The following PRKAG2 variants were observed in gnomAD, a reference collection of about 807,000 sequenced individuals.
The protein encoded by PRKAG2 is protein kinase AMP-activated non-catalytic subunit gamma 2, also known as 5'-AMP-activated protein kinase subunit gamma-2.
PRKAG2 carries 26 observed loss-of-function variants against 69.6 expected under a neutral mutation model. That is an observed-to-expected ratio of 0.37 (90% CI 0.27 to 0.52). The LOEUF is 0.52. Among genes scored for constraint, PRKAG2 ranks in the 20% least tolerant of loss-of-function variants. The pLI is 0.90. For missense variants in PRKAG2, 557 were observed against 740.0 expected, an observed-to-expected ratio of 0.75 and a Z score of 2.87; for synonymous variants, 293 against 285.0, an observed-to-expected ratio of 1.03 and a Z score of -0.28.
rs564181360 is a variant in PRKAG2, at chr7:151,797,092, A to G, written c.115-10551T>C. Among the ~76,000 whole-genome samples, 27 of 152,098 alleles carry G rather than the reference A, an allele frequency of 1.8e-4. No homozygotes were observed. The East Asian group carries it at 5.1e-3, about 28-fold the overall frequency. ...CCAGCTGCAGACACACCCTCCAGTC[A>G]TCGGCCACCCAGACTTCAGAGAGGA... On this transcript the variant is annotated intron_variant, in intron 1 of 15. Transcript: ENST00000287878.
chr7:151,831,739 C>A (rs1049658403), intron 1 of PRKAG2, among the ~76,000 whole-genome samples: 3 of 152,022 alleles, frequency 2.0e-5, no homozygotes, highest in African/African-American at 7.3e-5. Context: ...GGCCTCGCCC[C>A]CTGGAGGGAG....
At chr7:151,646,562 A>T (rs906084036) in intron 4 of PRKAG2, among the ~76,000 whole-genome samples, 2 of 152,154 alleles carry the variant, frequency 1.3e-5, no homozygotes, top group African/African-American at 4.8e-5. Context: ...TGTAAGTTCT[A>T]GTGGTAATTT....
chr7:151,842,379 GGTGGGGATGGTAGTGATGGTA>G, intron 1 of PRKAG2, among the ~76,000 whole-genome samples: 2 of 128,742 alleles, frequency 1.6e-5, no homozygotes, highest in African/African-American at 6.2e-5. Flanking sequence ...AGTGATGGTA[GGTGGGGATGGTAGTGATGGTA>G]GGTGGGGATG....
At chr7:151,571,034 G>C (rs1160909014) in intron 9 of PRKAG2, among the ~76,000 whole-genome samples, 2 of 151,422 alleles carry the variant, frequency 1.3e-5, no homozygotes, top group Non-Finnish European at 2.9e-5. Context: ...GCCTCCCAAA[G>C]TGCTGGGATT....
chr7:151,763,118 A>T, intron 3 of PRKAG2, among the ~76,000 whole-genome samples: 1 of 152,286 alleles, frequency 6.6e-6, no homozygotes, highest in East Asian at 1.9e-4. Context: ...CATTAAACTG[A>T]ATCCATCCCC....
At chr7:151,718,439 G>A (rs993556499) in intron 3 of PRKAG2, among the ~76,000 whole-genome samples, 4 of 151,998 alleles carry the variant, frequency 2.6e-5, no homozygotes, top group African/African-American at 7.2e-5. Context: ...CGGGGGACAC[G>A]ATCTGGTCCA....
chr7:151,641,244 C>CTTTTTTTTTTTTTTTT lies in PRKAG2; in HGVS notation c.685-9122_685-9107dup, dbSNP rs374667332. ...AGCTTTTTTGTTCCCTTCTTTTTTCCTTTTTTTTTTTTTTTTTTTTTTGAG... is the reference window on the plus strand; with the variant it reads ...AGCTTTTTTGTTCCCTTCTTTTTTCCTTTTTTTTTTTTTTTTTTTTTTTTTTTTTTTTTTTTTTGAG... On this transcript the variant is annotated intron_variant, in intron 4 of 15. Coordinates refer to ENST00000287878, the MANE Select transcript of PRKAG2 (RefSeq NM_016203.4). Among the ~76,000 whole-genome samples the CTTTTTTTTTTTTTTTT allele has an allele frequency of 1.1e-4, 12 of 105,682 alleles. No individual in the cohort carries two copies. The East Asian group carries it at 1.4e-3, about 12-fold the overall frequency. The allele number at this position is 105,682 out of a possible 152,430, so 69.3% of individuals were successfully genotyped here. A position where few individuals can be genotyped will look rare whatever the true frequency, so the allele number is the denominator to read the frequency against.
intron 3 of PRKAG2, among the ~76,000 whole-genome samples, chr7:151,713,767 A>G (rs1251575881): frequency 1.3e-5 from 2 of 151,918 alleles, no homozygotes; most frequent in East Asian, 3.9e-4. Flanking sequence ...TTTCATAGAG[A>G]AGGGGTCTAT....
At chr7:151,834,803 A>C (rs1462568207) in intron 1 of PRKAG2, among the ~76,000 whole-genome samples, 1 of 152,316 alleles carries the variant, frequency 6.6e-6, no homozygotes, top group East Asian at 1.9e-4. Context: ...GAACAACAGA[A>C]ACGCACCATC....
intron 3 of PRKAG2, among the ~76,000 whole-genome samples, chr7:151,748,183 A>G (rs1394750707): frequency 6.6e-6 from 1 of 152,136 alleles, no homozygotes; most frequent in East Asian, 1.9e-4. Flanking sequence ...GGCCTCCCTA[A>G]GTGCTGGGAT....
At chr7:151,624,218 G>C (rs1478117026) in intron 5 of PRKAG2, among the ~76,000 whole-genome samples, 1 of 151,288 alleles carries the variant, frequency 6.6e-6, no homozygotes, top group Non-Finnish European at 1.5e-5. Context: ...TGTTGCCCCA[G>C]CTAGAATGCA....
intron 1 of PRKAG2, among the ~76,000 whole-genome samples, chr7:151,811,217 G>C (rs1014976522): frequency 6.6e-6 from 1 of 152,236 alleles, no homozygotes; most frequent in Non-Finnish European, 1.5e-5. Context: ...GCCAGGACAG[G>C]CCACGGCTGA....
rs902277247 is a variant in PRKAG2 at position 151,559,004 on chromosome 7, G to A, written c.1678+1520C>T. The stretch of plus-strand genomic sequence containing the variant: ...TGACCCGCTGGGCAGACTGTGTCCC[G>A]TGGTCCAGGGCTGGAAACGGGGCAT... On this transcript the variant is annotated intron_variant, in intron 15 of 15. Transcript: ENST00000287878. 4.5e-5 allele frequency: 44 copies of A among 985,310 alleles called. No individual in the cohort carries two copies. The South Asian group carries it at 5.6e-4, about 13-fold the overall frequency. The allele number at this position is 985,310 out of a possible 1,614,324, so 61.0% of individuals were successfully genotyped here.
intron 3 of PRKAG2, among the ~76,000 whole-genome samples, chr7:151,762,981 A>G (rs1287070944): frequency 6.6e-6 from 1 of 152,160 alleles, no homozygotes; most frequent in Non-Finnish European, 1.5e-5. Flanking sequence ...AGCAGGACAA[A>G]AGCCAGCACT....
chr7:151,760,220 C>T (rs2151755491), intron 3 of PRKAG2, among the ~76,000 whole-genome samples: 1 of 149,484 alleles, frequency 6.7e-6, no homozygotes, highest in East Asian at 2.0e-4. Flanking sequence ...TTCCTTACTT[C>T]TTTGAGAGAG....
intron 1 of PRKAG2, among the ~76,000 whole-genome samples, chr7:151,830,443 C>G (rs78378184): frequency 0.06 from 9,072 of 151,948 alleles, 514 homozygotes; most frequent in Non-Finnish European, 0.091. Flanking sequence ...AAGCCAAGCC[C>G]GGGGTCTGAG....
Position 151,750,678 on chromosome 7 carries a change from G to A in PRKAG2, c.466+30474C>T, listed in dbSNP as rs576504694. 7.9e-5 allele frequency among the ~76,000 whole-genome samples: 12 copies of A among 152,210 alleles called. No individual in the cohort carries two copies. The South Asian group carries it at 1.2e-3, about 16-fold the overall frequency. On this transcript the variant is annotated intron_variant, in intron 3 of 15. Transcript: ENST00000287878. ...GAAACAGTTCTGGAACTAGATTGGGGTGATGGTCGCACAACACTGTGACTA... is the reference window on the plus strand; with the variant it reads ...GAAACAGTTCTGGAACTAGATTGGGATGATGGTCGCACAACACTGTGACTA...
intron 5 of PRKAG2, among the ~76,000 whole-genome samples, chr7:151,616,188 G>A (rs1439545453): frequency 6.6e-6 from 1 of 152,184 alleles, no homozygotes; most frequent in Non-Finnish European, 1.5e-5. Context: ...CCTCAGGGTG[G>A]GCTTTTGGAG....
chr7:151,610,158 G>T (rs1322388936), intron 5 of PRKAG2, among the ~76,000 whole-genome samples: 1 of 152,174 alleles, frequency 6.6e-6, no homozygotes, highest in Non-Finnish European at 1.5e-5. Context: ...GAGGTCAGGA[G>T]ATCGAGACCA....
Sources: gnomAD v4.1 joint callset for allele counts (sites outside exome capture counted in the v4.1 genomes callset) on GRCh38, gnomAD v4.1.1 for gene constraint, MANE v1.5 for transcripts, NCBI Gene and HGNC (gene_info 2026-07-23, HGNC 2026-07-21) for gene names.